Variants in ANKS1B observed in about 807,000 individuals in gnomAD.
ANKS1B encodes ankyrin repeat and sterile alpha motif domain containing 1B, also known as ankyrin repeat and sterile alpha motif domain-containing protein 1B.
In ANKS1B, 36 loss-of-function variants were observed where a neutral mutation model predicts 148.3. The ratio of observed to expected loss-of-function variants is 0.24; its 90% CI spans 0.19 to 0.32. The LOEUF is 0.32. Ranked by LOEUF, ANKS1B falls within the 10% of genes least tolerant of loss-of-function variation. ANKS1B has a pLI of 1.00. For missense variants in ANKS1B, 1,157 were observed against 1,542.6 expected (o/e 0.75, Z 4.19); for synonymous variants, 542 against 560.8 (o/e 0.97, Z 0.47).
At chr12:99,008,445 A>G (rs1380784572) in intron 17 of ANKS1B, among the ~76,000 whole-genome samples, 1 of 152,210 alleles carries the variant, frequency 6.6e-6, no homozygotes, top group Non-Finnish European at 1.5e-5. Flanking sequence ...ATATTATAAG[A>G]TAGGGAACAA....
At chr12:98,783,592 T>C (rs147118835) in intron 22 of ANKS1B, among the ~76,000 whole-genome samples, 1 of 152,292 alleles carries the variant, frequency 6.6e-6, no homozygotes, top group African/African-American at 2.4e-5. Flanking sequence ...GACGGCCTAT[T>C]AGGGGTGATT....
At chr12:99,320,702 A>T (rs1253915410) in intron 12 of ANKS1B, among the ~76,000 whole-genome samples, 2 of 152,098 alleles carry the variant, frequency 1.3e-5, no homozygotes, top group African/African-American at 4.8e-5. Flanking sequence ...CTCTCAACTC[A>T]TCAAAGTCAT....
At chr12:99,652,069 A>G (rs995311043) in intron 9 of ANKS1B, among the ~76,000 whole-genome samples, 6 of 120,884 alleles carry the variant, frequency 5.0e-5, no homozygotes, top group African/African-American at 2.0e-4. Context: ...ACATGTTTAC[A>G]TGTGTATATA....
intron 8 of ANKS1B, among the ~76,000 whole-genome samples, chr12:99,693,132 A>C (rs1052290810): frequency 6.6e-6 from 1 of 152,340 alleles, no homozygotes; most frequent in East Asian, 1.9e-4. Flanking sequence ...GGGAAGAATA[A>C]GGAAAAATAG....
intron 9 of ANKS1B, among the ~76,000 whole-genome samples, chr12:99,529,566 T>A (rs1477834512): frequency 6.6e-6 from 1 of 150,644 alleles, no homozygotes; most frequent in Non-Finnish European, 1.5e-5. Context: ...GGGAGGAGAA[T>A]CACTTGAACC....
chr12:99,491,745 G>T (rs570048096), intron 10 of ANKS1B, among the ~76,000 whole-genome samples: 5 of 152,044 alleles, frequency 3.3e-5, no homozygotes, highest in Non-Finnish European at 7.4e-5. Flanking sequence ...TAGCTCCAAG[G>T]CTCAAAAAAT....
intron 11 of ANKS1B, among the ~76,000 whole-genome samples, chr12:99,428,260 A>G (rs922145388): frequency 5.3e-5 from 8 of 152,028 alleles, no homozygotes; most frequent in Admixed American, 6.5e-5. Flanking sequence ...TCAGGGGCCA[A>G]CCAGGCATGA....
chr12:98,811,471 T>C (rs2153629442), intron 19 of ANKS1B, among the ~76,000 whole-genome samples: 1 of 152,254 alleles, frequency 6.6e-6, no homozygotes, highest in African/African-American at 2.4e-5. Context: ...GCTCGGTAGG[T>C]GCTATGTGAC....
At chr12:99,615,204 C>T (rs10745864) in intron 9 of ANKS1B, among the ~76,000 whole-genome samples, 100,856 of 151,842 alleles carry the variant, frequency 0.66, 33,674 homozygotes, top group African/African-American at 0.73. Context: ...GACAGACAGA[C>T]AGATACACAC....
chr12:99,334,898 T>TAA (rs1367913677), intron 12 of ANKS1B, among the ~76,000 whole-genome samples: 5 of 152,070 alleles, frequency 3.3e-5, no homozygotes. Context: ...TTCCTTCTCT[T>TAA]ACAGCTACCT....
intron 12 of ANKS1B, among the ~76,000 whole-genome samples, chr12:99,291,916 C>A (rs960399390): frequency 2.6e-5 from 4 of 152,152 alleles, no homozygotes; most frequent in African/African-American, 9.7e-5. Flanking sequence ...GAAGGATTCC[C>A]TGTTTAACAA....
At chr12:99,213,296 C>G (rs1453840638) in intron 14 of ANKS1B, among the ~76,000 whole-genome samples, 1 of 152,224 alleles carries the variant, frequency 6.6e-6, no homozygotes, top group Non-Finnish European at 1.5e-5. Flanking sequence ...ATTTCAGCAG[C>G]TTGTTTTTAC....
chr12:99,703,664 C>T (rs1405078346), intron 8 of ANKS1B, among the ~76,000 whole-genome samples: 1 of 152,032 alleles, frequency 6.6e-6, no homozygotes, highest in African/African-American at 2.4e-5. Flanking sequence ...GTTAGTCATT[C>T]CCTGTTTTGT....
chr12:99,541,652 C>T (rs141450890), intron 9 of ANKS1B, among the ~76,000 whole-genome samples: 218 of 152,042 alleles, frequency 1.4e-3, no homozygotes, highest in African/African-American at 4.9e-3. Flanking sequence ...GTCAGGAGCT[C>T]GAGACCAGCC....
At chr12:98,802,659 C>T (rs554102030) in intron 20 of ANKS1B, among the ~76,000 whole-genome samples, 2 of 107,290 alleles carry the variant, frequency 1.9e-5, no homozygotes, top group South Asian at 6.5e-4. Flanking sequence ...AGCTTTTCTC[C>T]TTGAGATGGG....
In ANKS1B at chr12:99,117,207, T is replaced by C. The variant is rs550673743; in HGVS notation, c.2527-32184A>G. ...CGCTTTATTTCTTTGTCTTGCCTGATTGCCCTGGCCAGAACTTCCAACACT... is the reference window on the plus strand; with the variant it reads ...CGCTTTATTTCTTTGTCTTGCCTGACTGCCCTGGCCAGAACTTCCAACACT... On this transcript the variant is annotated intron_variant, in intron 15 of 26. Coordinates refer to ENST00000683438, the MANE Select transcript of ANKS1B (RefSeq NM_001352186.2). Among the ~76,000 whole-genome samples, 229 of 152,346 alleles carry C rather than the reference T, an allele frequency of 1.5e-3. 1 individual carries two copies. Among genetic ancestry groups the C allele is most frequent in the African/African-American group, 5.4e-3 (223 of 41,588 alleles).
In ANKS1B at chr12:99,655,072, C is replaced by T; in HGVS notation, c.1267G>A (p.Ala423Thr). 2 of 1,571,688 alleles carry T rather than the reference C, an allele frequency of 1.3e-6. No individual in the cohort carries two copies. The highest frequency in any genetic ancestry group is 1.7e-6 in the Non-Finnish European group (2 of 1,154,950). The change falls in exon 9 of 27, where the codon GCC becomes ACC. Residue 423 changes from alanine to threonine, a missense_variant. Around this residue, in one of 6 missense-constraint regions of ANKS1B, gnomAD observed 661 missense variants for 642.1 expected, o/e 1.03. Coordinates refer to ENST00000683438, the MANE Select transcript of ANKS1B (RefSeq NM_001352186.2). ...GCRNLGFPML[A>T]QESYPKKRNY... ...TAATAAAAGCAAACTTTTACCTGGGCAAGCATGGGGAAGCCAAGGTTCCTA... is the reference window on the plus strand; with the variant it reads ...TAATAAAAGCAAACTTTTACCTGGGTAAGCATGGGGAAGCCAAGGTTCCTA...
At chr12:99,480,026 C>T (rs956079565) in intron 10 of ANKS1B, among the ~76,000 whole-genome samples, 1 of 151,332 alleles carries the variant, frequency 6.6e-6, no homozygotes, top group African/African-American at 2.4e-5. Flanking sequence ...TATTATTTGT[C>T]AATTAAAGAT....
At chr12:99,245,518 G>T (rs2090095150) in intron 13 of ANKS1B, among the ~76,000 whole-genome samples, 2 of 152,182 alleles carry the variant, frequency 1.3e-5, no homozygotes, top group African/African-American at 4.8e-5. Context: ...CAGATGCAGA[G>T]ATATTAAGTG....
Sources: allele counts gnomAD v4.1 joint callset (sites outside exome capture counted in the v4.1 genomes callset), GRCh38; gene constraint gnomAD v4.1.1; regional missense constraint gnomAD v4.1.1; transcripts MANE v1.5; gene names NCBI Gene and HGNC (gene_info 2026-07-23, HGNC 2026-07-21).